Variants in ELF2 observed in about 807,000 individuals in gnomAD.
ELF2 encodes E74 like ETS transcription factor 2.
Under a neutral mutation model 54.8 loss-of-function variants are expected in ELF2, and 11 were observed. The observed-to-expected ratio is 0.20, with a 90% CI of 0.13 to 0.33. ELF2 has a LOEUF of 0.33. Ranked by LOEUF, ELF2 falls within the 10% of genes least tolerant of loss-of-function variation. The pLI, the probability that ELF2 is intolerant of heterozygous loss-of-function variation, is 1.00. For missense variants in ELF2, 513 were observed against 703.0 expected, an observed-to-expected ratio of 0.73 and a Z score of 3.06; for synonymous variants, 203 against 245.1, an observed-to-expected ratio of 0.83 and a Z score of 1.61.
At chr4:139,171,105 G>C (rs2148917655) in intron 1 of ELF2, among the ~76,000 whole-genome samples, 1 of 152,258 alleles carries the variant, frequency 6.6e-6, no homozygotes, top group South Asian at 2.1e-4. Flanking sequence ...CAAAAAAGAT[G>C]GGTCAGACAC....
At chr4:139,063,237 G>A (rs567973163) in intron 7 of ELF2, among the ~76,000 whole-genome samples, 13 of 152,150 alleles carry the variant, frequency 8.5e-5, no homozygotes, top group African/African-American at 2.7e-4. Flanking sequence ...CAGCCTGGGC[G>A]ACAGAGTGAA....
chr4:139,097,139 G>T (rs1733365762), intron 4 of ELF2, among the ~76,000 whole-genome samples: 1 of 152,064 alleles, frequency 6.6e-6, no homozygotes, highest in Non-Finnish European at 1.5e-5. Context: ...ATATTTCATA[G>T]TGAGTTCTGC....
At chr4:139,123,225 A>G (rs1484997500) in intron 4 of ELF2, among the ~76,000 whole-genome samples, 2 of 152,022 alleles carry the variant, frequency 1.3e-5, no homozygotes, top group East Asian at 1.9e-4. Flanking sequence ...GAACATGTAC[A>G]ATGAATTTTT....
At chr4:139,157,904 T>C (rs1257746253) in intron 1 of ELF2, among the ~76,000 whole-genome samples, 3 of 152,188 alleles carry the variant, frequency 2.0e-5, no homozygotes, top group Non-Finnish European at 4.4e-5. Flanking sequence ...AGTGGCGCAA[T>C]GGATAACGCG....
chr4:139,164,190 TGAAAA>T (rs1741485430), intron 1 of ELF2, among the ~76,000 whole-genome samples: 1 of 102,622 alleles, frequency 9.7e-6, no homozygotes, highest in South Asian at 2.9e-4. Flanking sequence ...GAGAGGGAGA[TGAAAA>T]GAAAGAGAAA....
At chr4:139,123,569 G>A (rs1385175894) in intron 4 of ELF2, among the ~76,000 whole-genome samples, 1 of 152,112 alleles carries the variant, frequency 6.6e-6, no homozygotes, top group African/African-American at 2.4e-5. Flanking sequence ...CCAATAATAA[G>A]ATTCAACCAA....
At chr4:139,156,687 T>G (rs11099912) in intron 1 of ELF2, among the ~76,000 whole-genome samples, 215 of 152,178 alleles carry the variant, frequency 1.4e-3, no homozygotes, top group South Asian at 2.9e-3. Context: ...TCACCCAGGC[T>G]GGAGTGCAGT....
rs979739508 is a variant in ELF2, at chr4:139,135,271, GTGTGTGTGTA to G, written c.72+2349_72+2358del. 8.1e-4 allele frequency among the ~76,000 whole-genome samples: 118 copies of G among 144,832 alleles called. No individual in the cohort carries two copies. The East Asian group carries it at 0.012, about 14-fold the overall frequency. On this transcript the variant is annotated intron_variant, in intron 3 of 9. Coordinates refer to ENST00000686138, the MANE Select transcript of ELF2 (RefSeq NM_001331036.3). ...TGTGTGTGTGTGTGTGTGTGTGTGT[GTGTGTGTGTA>G]TATATGAATGAAACATTCCTGAAAA...
chr4:139,168,989 G>A (rs2148913455), intron 1 of ELF2, among the ~76,000 whole-genome samples: 1 of 152,240 alleles, frequency 6.6e-6, no homozygotes, highest in South Asian at 2.1e-4. Context: ...GGGTTCTCAT[G>A]CATGAATACC....
At chr4:139,082,013 G>T (rs1326982002) in intron 4 of ELF2, among the ~76,000 whole-genome samples, 2 of 152,134 alleles carry the variant, frequency 1.3e-5, no homozygotes, top group African/African-American at 4.8e-5. Flanking sequence ...CAAAACTTTT[G>T]TCTTTTCAAA....
At chr4:139,127,006 T>A (rs951275442) in intron 3 of ELF2, among the ~76,000 whole-genome samples, 11 of 152,194 alleles carry the variant, frequency 7.2e-5, no homozygotes, top group Admixed American at 3.9e-4. Flanking sequence ...GTGTGACTCC[T>A]GAGATAGCAT....
At chr4:139,089,743 C>T (rs879262852) in intron 4 of ELF2, among the ~76,000 whole-genome samples, 1 of 152,172 alleles carries the variant, frequency 6.6e-6, no homozygotes, top group African/African-American at 2.4e-5. Flanking sequence ...GCATTTACCC[C>T]ATTTTATTCA....
intron 1 of ELF2, among the ~76,000 whole-genome samples, chr4:139,173,848 G>C (rs1378381180): frequency 6.6e-6 from 1 of 151,568 alleles, no homozygotes; most frequent in Non-Finnish European, 1.5e-5. Context: ...AGCACTTTGA[G>C]AGGCCAAAGA....
intron 1 of ELF2, among the ~76,000 whole-genome samples, chr4:139,144,938 T>A (rs899627309): frequency 1.3e-5 from 2 of 152,162 alleles, no homozygotes; most frequent in Admixed American, 1.3e-4. Flanking sequence ...ACAGAAACTT[T>A]GGGGAGCCCT....
At chr4:139,072,410 T>C (rs1313113729) in intron 5 of ELF2, among the ~76,000 whole-genome samples, 1 of 152,224 alleles carries the variant, frequency 6.6e-6, no homozygotes, top group Non-Finnish European at 1.5e-5. Context: ...TTACTTTCCA[T>C]CCACATATCC....
rs570148873 is a variant in ELF2 at position 139,166,075 on chromosome 4, C to T, written c.-252+10892G>A. Among the ~76,000 whole-genome samples, 495 of 152,254 alleles carry T rather than the reference C, an allele frequency of 3.3e-3. 1 individual carries two copies. The highest frequency in any genetic ancestry group is 5.4e-3 in the Admixed American group (82 of 15,276). On this transcript the variant is annotated intron_variant, in intron 1 of 9. Coordinates refer to ENST00000686138, the MANE Select transcript of ELF2 (RefSeq NM_001331036.3). Reference sequence around the variant, plus strand: ...AAAACAGGCTGGGCATGGTGGCTCACGCCTGTAATCCCAGCACTTTGGAAG... The same window carrying T: ...AAAACAGGCTGGGCATGGTGGCTCATGCCTGTAATCCCAGCACTTTGGAAG...
chr4:139,128,598 C>T (rs571179909), intron 3 of ELF2, among the ~76,000 whole-genome samples: 7 of 151,846 alleles, frequency 4.6e-5, no homozygotes, highest in South Asian at 2.1e-4. Context: ...CATGGCTCAC[C>T]GCAACCTCTG....
At chr4:139,153,091 A>G (rs1740180202) in intron 1 of ELF2, among the ~76,000 whole-genome samples, 1 of 152,042 alleles carries the variant, frequency 6.6e-6, no homozygotes, top group African/African-American at 2.4e-5. Context: ...CCCCTTTATT[A>G]CATAAAGACT....
In ELF2 at chr4:139,153,443, AAAATAAATAAAT is replaced by A. The variant is rs536362017; in HGVS notation, c.-251-13958_-251-13947del. Among the ~76,000 whole-genome samples the A allele has an allele frequency of 3.7e-3, 560 of 151,848 alleles. 1 individual carries two copies. Among genetic ancestry groups the A allele is most frequent in the African/African-American group, 0.013 (517 of 41,350 alleles). On this transcript the variant is annotated intron_variant, in intron 1 of 9. Transcript: ENST00000686138. ...GAGGGAGACCCTGTCTCAAAAAATA[AAAATAAATAAAT>A]AAATAAATAAATAAAGGGAAAAAAA...
Sources: allele counts gnomAD v4.1 joint callset (sites outside exome capture counted in the v4.1 genomes callset), GRCh38; gene constraint gnomAD v4.1.1; transcripts MANE v1.5; gene names NCBI Gene and HGNC (gene_info 2026-07-23, HGNC 2026-07-21).